The following AMBRA1 variants were observed in gnomAD, a reference collection of about 807,000 sequenced individuals.
AMBRA1 encodes the protein activating molecule in BECN1-regulated autophagy protein 1.
AMBRA1 carries 47 observed loss-of-function variants against 125.4 expected under a neutral mutation model. The ratio of observed to expected loss-of-function variants is 0.37; its 90% CI spans 0.30 to 0.48. AMBRA1 has a LOEUF of 0.48. Ranked by LOEUF, AMBRA1 falls within the 20% of genes least tolerant of loss-of-function variation. The probability of loss-of-function intolerance (pLI) is 0.99; values close to 1 mark genes in which losing one functional copy is unlikely to be tolerated. For synonymous variants in AMBRA1, 626 were observed against 655.5 expected, an observed-to-expected ratio of 0.95 and a Z score of 0.69; for missense variants, 1,331 against 1,693.4, an observed-to-expected ratio of 0.79 and a Z score of 3.76.
At chr11:46,555,016 G>A (rs555124183) in intron 1 of AMBRA1, among the ~76,000 whole-genome samples, 2 of 152,172 alleles carry the variant, frequency 1.3e-5, no homozygotes, top group South Asian at 2.1e-4. Context: ...AGACTACAGT[G>A]AGCCATGATT....
intron 7 of AMBRA1, among the ~76,000 whole-genome samples, chr11:46,526,771 A>G (rs1951994141): frequency 1.3e-5 from 2 of 152,156 alleles, no homozygotes; most frequent in African/African-American, 4.8e-5. Flanking sequence ...ATCGGTTTTA[A>G]GTCACTAAGT....
chr11:46,497,686 G>C (rs773895482), intron 9 of AMBRA1, among the ~76,000 whole-genome samples: 1 of 152,192 alleles, frequency 6.6e-6, no homozygotes, highest in Admixed American at 6.5e-5. Flanking sequence ...TACCGGAATG[G>C]GTAAGGTGGC....
At chr11:46,433,424 C>A in intron 14 of AMBRA1, 50 bp downstream of exon 14, 2 of 1,595,300 alleles carry the variant, frequency 1.3e-6, no homozygotes. Context: ...ATTACCCTTC[C>A]AAGCCTAGGG....
intron 1 of AMBRA1, among the ~76,000 whole-genome samples, chr11:46,584,167 T>C (rs1238486890): frequency 1.4e-5 from 2 of 140,192 alleles, no homozygotes; most frequent in Non-Finnish European, 3.1e-5. Context: ...ATGTGGCACA[T>C]ATACACCACG....
intron 14 of AMBRA1, among the ~76,000 whole-genome samples, chr11:46,420,644 T>C (rs558219878): frequency 5.6e-4 from 86 of 152,348 alleles, no homozygotes; most frequent in African/African-American, 1.9e-3. Context: ...GAGACAATTG[T>C]GGCTGGGATC....
chr11:46,572,963 C>A (rs772428841), intron 1 of AMBRA1, among the ~76,000 whole-genome samples: 1 of 151,286 alleles, frequency 6.6e-6, no homozygotes, highest in Non-Finnish European at 1.5e-5. Context: ...TGGTGGTGGA[C>A]GCCTGTAATC....
chr11:46,582,431 T>C (rs904125980), intron 1 of AMBRA1, among the ~76,000 whole-genome samples: 1 of 152,190 alleles, frequency 6.6e-6, no homozygotes, highest in African/African-American at 2.4e-5. Context: ...ACACTGCAAT[T>C]ATATGTTTAT....
At chr11:46,432,184 A>T (rs1264407337) in intron 14 of AMBRA1, among the ~76,000 whole-genome samples, 3 of 152,300 alleles carry the variant, frequency 2.0e-5, no homozygotes, top group African/African-American at 7.2e-5. Context: ...GAAGAGAGTG[A>T]CATGGAAACA....
chr11:46,569,418 A>G (rs1185374386), intron 1 of AMBRA1, among the ~76,000 whole-genome samples: 1 of 129,704 alleles, frequency 7.7e-6, no homozygotes, highest in Admixed American at 7.8e-5. Flanking sequence ...TCACTATATC[A>G]CTGAGAGATT....
rs560611140 is a variant in AMBRA1 at position 46,466,189 on chromosome 11, A to G, written c.2522-22591T>C. ...GGAAGATAGGACTTCCATCAAAAGC[A>G]TTATAAATGAGGCCAGGCGTGCTGG... On this transcript the variant is annotated intron_variant, in intron 11 of 17. Transcript: ENST00000683756. Among the ~76,000 whole-genome samples, 3 of 152,332 alleles carry G rather than the reference A, an allele frequency of 2.0e-5. No homozygotes were observed. In the South Asian group the frequency reaches 6.2e-4, roughly 32 times the overall value.
chr11:46,542,206 C>T lies in AMBRA1; in HGVS notation c.1811G>A (p.Ser604Asn). Residue 604 changes from serine (S) to asparagine (N), a missense_variant, in exon 7 of 18, where the codon AGC (serine) becomes AAC (asparagine). Around this residue, in one of 4 missense-constraint regions of AMBRA1, gnomAD observed 689 missense variants for 776.5 expected, o/e 0.89. Coordinates refer to ENST00000683756, the MANE Select transcript of AMBRA1 (RefSeq NM_001387011.1). The surrounding 1 kb of genome is among the most constrained non-coding windows in gnomAD (Gnocchi z 5.9). ...GEASSSWQVP[S>N]SFESVPSSGS... ...ACTTGATGGCACACTCTCAAAGGAGCTGGGGACCTGCCAAGAGGAACTAGC... is the reference window on the plus strand; with the variant it reads ...ACTTGATGGCACACTCTCAAAGGAGTTGGGGACCTGCCAAGAGGAACTAGC... 1 of 1,613,924 alleles carries T rather than the reference C, an allele frequency of 6.2e-7. No homozygotes were observed. Among genetic ancestry groups the T allele is most frequent in the Non-Finnish European group, 8.5e-7 (1 of 1,179,922 alleles).
At chr11:46,484,185 A>G (rs752612952) in intron 11 of AMBRA1, among the ~76,000 whole-genome samples, 34 of 152,204 alleles carry the variant, frequency 2.2e-4, no homozygotes, top group Non-Finnish European at 4.0e-4. Flanking sequence ...GTAAAGAAAT[A>G]TAACAAAGAA....
In AMBRA1 at chr11:46,404,655, C is replaced by T. The variant is rs556455486; in HGVS notation, c.3403+3858G>A. On this transcript the variant is annotated intron_variant, in intron 17 of 17. Transcript: ENST00000683756. ...CAGCTGCCCGGTCTCACTCTGCCTG[C>T]TGCTCCCGCTGACCAGAGCCTCAGC... Among the ~76,000 whole-genome samples, 62 of 152,350 alleles carry T rather than the reference C, an allele frequency of 4.1e-4. No homozygotes were observed. In the East Asian group the frequency reaches 5.0e-3, roughly 12 times the overall value.
chr11:46,547,713 T>C (rs2042868854), intron 3 of AMBRA1, 104 bp downstream of exon 3: 2 of 1,122,696 alleles, frequency 1.8e-6, no homozygotes, highest in African/African-American at 3.1e-5. Context: ...GTTCATACAG[T>C]ACTTCAGAGA....
intron 15 of AMBRA1, among the ~76,000 whole-genome samples, chr11:46,411,269 C>T (rs1946282982): frequency 6.6e-6 from 1 of 152,188 alleles, no homozygotes; most frequent in Admixed American, 6.5e-5. Context: ...ACAGAAGTTA[C>T]CTCCATAAAG....
chr11:46,489,196 C>T lies in AMBRA1; in HGVS notation c.2521+4412G>A, dbSNP rs144751650. Among the ~76,000 whole-genome samples the T allele has an allele frequency of 2.8e-3, 420 of 152,290 alleles. 3 individuals are homozygous for T. Among genetic ancestry groups the T allele is most frequent in the African/African-American group, 9.7e-3 (404 of 41,566 alleles). ...TCATCATTTAACATTAGGTATACCT[C>T]CTAATGCTATCCCTCCCCCGCTCTC... On this transcript the variant is annotated intron_variant, in intron 11 of 17. Coordinates refer to ENST00000683756, the MANE Select transcript of AMBRA1 (RefSeq NM_001387011.1).
chr11:46,573,879 T>C (rs1295720037), intron 1 of AMBRA1, among the ~76,000 whole-genome samples: 5 of 136,106 alleles, frequency 3.7e-5, no homozygotes, highest in South Asian at 2.4e-4. Context: ...TGTGATCTCA[T>C]TGTTCAATTC....
intron 12 of AMBRA1, among the ~76,000 whole-genome samples, chr11:46,438,419 T>C (rs541976894): frequency 7.2e-5 from 11 of 152,366 alleles, no homozygotes; most frequent in African/African-American, 2.6e-4. Flanking sequence ...ATCAGCTCCA[T>C]AAATTATAAA....
chr11:46,401,720 T>C (rs1945771234), intron 17 of AMBRA1, among the ~76,000 whole-genome samples: 1 of 152,180 alleles, frequency 6.6e-6, no homozygotes, highest in African/African-American at 2.4e-5. Context: ...GCCACCCCTC[T>C]CTATGGCTAT....
Sources: gnomAD v4.1 joint callset for allele counts (sites outside exome capture counted in the v4.1 genomes callset) on GRCh38, gnomAD v4.1.1 for gene constraint, gnomAD v4.1.1 regional missense constraint, Gnocchi (gnomAD v3.1) non-coding constraint, MANE v1.5 for transcripts, NCBI Gene and HGNC (gene_info 2026-07-23, HGNC 2026-07-21) for gene names.